GRIA1: variants seen among roughly 807,000 people sequenced by gnomAD.
The protein encoded by GRIA1 is glutamate ionotropic receptor AMPA type subunit 1.
In GRIA1, 31 loss-of-function variants were observed where a neutral mutation model predicts 99.2. The observed-to-expected ratio is 0.31, with a 90% CI of 0.23 to 0.42. The LOEUF is 0.42. Ranked by LOEUF, GRIA1 falls within the 10% of genes least tolerant of loss-of-function variation. The pLI is 1.00. For missense variants in GRIA1, 782 were observed against 1,157.5 expected (o/e 0.68, Z 4.71); for synonymous variants, 438 against 432.4 (o/e 1.01, Z -0.16).
At chr5:153,697,761 A>G (rs1212872905) in intron 8 of GRIA1, among the ~76,000 whole-genome samples, 3 of 152,198 alleles carry the variant, frequency 2.0e-5, no homozygotes, top group African/African-American at 4.8e-5. Flanking sequence ...GCATTGTACA[A>G]AACAGACTGG....
chr5:153,535,210 C>A (rs1758457019), intron 2 of GRIA1, among the ~76,000 whole-genome samples: 1 of 152,170 alleles, frequency 6.6e-6, no homozygotes, highest in South Asian at 2.1e-4. Context: ...GCATGAGCCA[C>A]CGCACCCAGC....
At chr5:153,498,936 G>A (rs772255340) in intron 2 of GRIA1, among the ~76,000 whole-genome samples, 17 of 152,100 alleles carry the variant, frequency 1.1e-4, no homozygotes, top group Non-Finnish European at 2.4e-4. Flanking sequence ...ACTCATACCT[G>A]ATTTATATCG....
chr5:153,596,849 T>C (rs1425301952), intron 2 of GRIA1, among the ~76,000 whole-genome samples: 1 of 152,230 alleles, frequency 6.6e-6, no homozygotes, highest in African/African-American at 2.4e-5. Context: ...GAACAAGTTG[T>C]TTAATGAAAA....
intron 2 of GRIA1, chr5:153,525,136 T>C (rs1315873265): frequency 6.6e-6 from 1 of 152,226 alleles, no homozygotes; most frequent in Non-Finnish European, 1.5e-5. Context: ...AAAAGTCAAC[T>C]CATCCAATTG....
intron 8 of GRIA1, among the ~76,000 whole-genome samples, chr5:153,687,972 T>C (rs559311469): frequency 6.6e-6 from 1 of 152,254 alleles, no homozygotes; most frequent in Non-Finnish European, 1.5e-5. Flanking sequence ...GTCATGTTTC[T>C]TCCTGGAGGC....
At chr5:153,659,268 C>A (rs1020879807) in intron 5 of GRIA1, among the ~76,000 whole-genome samples, 1 of 152,170 alleles carries the variant, frequency 6.6e-6, no homozygotes, top group African/African-American at 2.4e-5. Context: ...TGTACATATG[C>A]ATATATATGC....
chr5:153,719,070 C>T (rs1013121801), intron 11 of GRIA1, among the ~76,000 whole-genome samples: 1 of 147,676 alleles, frequency 6.8e-6, no homozygotes, highest in Non-Finnish European at 1.5e-5. Flanking sequence ...GGTTTTGTTT[C>T]TTTGAGGTCA....
chr5:153,497,287 T>C (rs545111450), intron 2 of GRIA1, among the ~76,000 whole-genome samples: 3 of 152,338 alleles, frequency 2.0e-5, no homozygotes, highest in Admixed American at 2.0e-4. Context: ...ACTGATCAGC[T>C]ACCCAGCTTA....
intron 2 of GRIA1, among the ~76,000 whole-genome samples, chr5:153,546,255 A>T (rs1759607600): frequency 6.6e-6 from 1 of 152,224 alleles, no homozygotes; most frequent in Non-Finnish European, 1.5e-5. Flanking sequence ...TAGAGGAATC[A>T]TCATTGTGCA....
intron 2 of GRIA1, among the ~76,000 whole-genome samples, chr5:153,600,127 C>T (rs959091797): frequency 6.6e-6 from 1 of 152,048 alleles, no homozygotes; most frequent in Admixed American, 6.6e-5. Context: ...CGCGGTGGCT[C>T]ACGCTTGTAA....
intron 13 of GRIA1, among the ~76,000 whole-genome samples, chr5:153,787,346 ATTCTTTTTG>A (rs1466505103): frequency 6.6e-6 from 1 of 152,016 alleles, no homozygotes; most frequent in Non-Finnish European, 1.5e-5. Context: ...GCATTAGAGG[ATTCTTTTTG>A]TTCTTTGGCC....
chr5:153,624,691 G>A (rs1276991383), intron 2 of GRIA1, among the ~76,000 whole-genome samples: 1 of 152,230 alleles, frequency 6.6e-6, no homozygotes, highest in Non-Finnish European at 1.5e-5. Context: ...ATAGTATTCT[G>A]TGTAGAAGAG....
chr5:153,502,035 C>T (rs1755056300), intron 2 of GRIA1, among the ~76,000 whole-genome samples: 1 of 152,242 alleles, frequency 6.6e-6, no homozygotes, highest in Non-Finnish European at 1.5e-5. Flanking sequence ...CCATACTGCT[C>T]TGCTGAAATT....
intron 2 of GRIA1, among the ~76,000 whole-genome samples, chr5:153,626,430 C>CTGTGTGTG (rs1354402633): frequency 1.5e-5 from 2 of 132,784 alleles, no homozygotes; most frequent in Non-Finnish European, 3.3e-5. Context: ...AATCTAGTCT[C>CTGTGTGTG]TGTGTGTGTG....
intron 6 of GRIA1, among the ~76,000 whole-genome samples, chr5:153,676,030 G>T (rs1195107732): frequency 6.6e-6 from 1 of 151,858 alleles, no homozygotes; most frequent in Non-Finnish European, 1.5e-5. Context: ...CTAATTTTTT[G>T]TATTTTTTAG....
At chr5:153,560,209 A>G (rs1364561929) in intron 2 of GRIA1, among the ~76,000 whole-genome samples, 1 of 152,158 alleles carries the variant, frequency 6.6e-6, no homozygotes, top group Non-Finnish European at 1.5e-5. Flanking sequence ...CAGTGTGCCA[A>G]GAGTTCTGTT....
chr5:153,617,784 C>T (rs1388899179), intron 2 of GRIA1, among the ~76,000 whole-genome samples: 1 of 151,950 alleles, frequency 6.6e-6, no homozygotes, highest in Non-Finnish European at 1.5e-5. Context: ...TTTAACTTTC[C>T]CCTCCTCTCT....
intron 2 of GRIA1, among the ~76,000 whole-genome samples, chr5:153,561,518 G>A (rs1361633254): frequency 1.3e-5 from 2 of 152,132 alleles, no homozygotes; most frequent in Non-Finnish European, 2.9e-5. Context: ...AAGTGTCTGT[G>A]ATGTCAAACC....
chr5:153,704,045 A>G (rs1265232378), intron 10 of GRIA1, among the ~76,000 whole-genome samples: 2 of 152,218 alleles, frequency 1.3e-5, no homozygotes, highest in African/African-American at 4.8e-5. Context: ...AATTGCTATG[A>G]AATTTACACC....
Sources: allele counts gnomAD v4.1 joint callset (sites outside exome capture counted in the v4.1 genomes callset), GRCh38; gene constraint gnomAD v4.1.1; transcripts MANE v1.5; gene names NCBI Gene and HGNC (gene_info 2026-07-23, HGNC 2026-07-21).